MORF4L1: variants seen among roughly 807,000 people sequenced by gnomAD.
The protein encoded by MORF4L1 is mortality factor 4-like protein 1.
A neutral mutation model predicts 52.9 loss-of-function variants in MORF4L1; 4 were observed. The ratio of observed to expected loss-of-function variants is 0.08; its 90% CI spans 0.04 to 0.17. The LOEUF is 0.17. Among genes scored for constraint, MORF4L1 ranks in the 10% least tolerant of loss-of-function variants. The probability of loss-of-function intolerance (pLI) is 1.00; values close to 1 mark genes in which losing one functional copy is unlikely to be tolerated. For missense variants in MORF4L1, 214 were observed against 390.4 expected (o/e 0.55, Z 3.81); for synonymous variants, 123 against 134.8 (o/e 0.91, Z 0.61).
chr15:78,890,029 C>T (rs1163109056), intron 5 of MORF4L1, among the ~76,000 whole-genome samples: 1 of 152,058 alleles, frequency 6.6e-6, no homozygotes, highest in South Asian at 2.1e-4. Flanking sequence ...TTGAGACCAG[C>T]CTGGCCAACA....
chr15:78,880,043 CT>C (rs1425871165), intron 2 of MORF4L1, among the ~76,000 whole-genome samples: 1 of 152,220 alleles, frequency 6.6e-6, no homozygotes, highest in Non-Finnish European at 1.5e-5. Context: ...TTTTGTCTGG[CT>C]GCTTTTAAGA....
chr15:78,880,486 A>G (rs1336365362), intron 2 of MORF4L1, 26 bp from the exon 3 acceptor site: 1 of 1,545,984 alleles, frequency 6.5e-7, no homozygotes, highest in Non-Finnish European at 8.8e-7. Context: ...TTCTAAGTGA[A>G]TTATTATTTT....
chr15:78,887,914 G>T (rs1043640796), intron 5 of MORF4L1, among the ~76,000 whole-genome samples: 1 of 152,192 alleles, frequency 6.6e-6, no homozygotes, highest in African/African-American at 2.4e-5. Context: ...AAGTAGCGGG[G>T]ATTACAGGCG....
chr15:78,878,214 T>C lies in MORF4L1; in HGVS notation c.42T>C (p.Gly14=). The change falls in exon 2 of 12, where the codon GGT becomes GGC. Residue 14 remains glycine, a splice_region_variant and synonymous_variant. Transcript: ENST00000426013. ...TCAGTACTTTTTCTCCCTTTACAGGTGAGCGAGTGCTGTGCTTTCATGGGC... is the reference window on the plus strand; with the variant it reads ...TCAGTACTTTTTCTCCCTTTACAGGCGAGCGAGTGCTGTGCTTTCATGGGC... ...KQDPKPKFQE[G]ERVLCFHGPL... The C allele has an allele frequency of 6.2e-7, 1 of 1,611,848 alleles. No homozygotes were observed. The highest frequency in any genetic ancestry group is 2.2e-5 in the East Asian group (1 of 44,872).
chr15:78,888,602 A>T (rs958982565), intron 5 of MORF4L1, among the ~76,000 whole-genome samples: 8 of 152,082 alleles, frequency 5.3e-5, no homozygotes, highest in African/African-American at 1.7e-4. Context: ...TGATTTTTCT[A>T]CTTAAAAGTA....
chr15:78,885,464 C>T (rs1376876753), intron 3 of MORF4L1, among the ~76,000 whole-genome samples: 3 of 152,204 alleles, frequency 2.0e-5, no homozygotes, highest in African/African-American at 7.2e-5. Context: ...AGCCAGCTTT[C>T]TGATCAGCCT....
rs142582875 is a variant in MORF4L1 at position 78,897,327 on chromosome 15, C to A, written c.*260C>A. The stretch of plus-strand genomic sequence containing the variant: ...GATATGCTGTAGAGTGTTTTATTGC[C>A]TAGTTGACAAAGCTGCTTTTGAATG... On this transcript the variant is annotated 3_prime_UTR_variant, in exon 12 of 12. Transcript: ENST00000426013. 1.2e-4 allele frequency: 36 copies of A among 306,596 alleles called. No individual in the cohort carries two copies. Among genetic ancestry groups the A allele is most frequent in the Non-Finnish European group, 2.5e-5 (4 of 157,022 alleles). 19.0% of individuals were successfully genotyped at this position (306,596 alleles called of 1,614,324 possible).
chr15:78,882,804 G>C (rs1005965405), intron 3 of MORF4L1, among the ~76,000 whole-genome samples: 3 of 110,406 alleles, frequency 2.7e-5, no homozygotes, highest in Admixed American at 1.1e-4. Context: ...GAGCCAGTAT[G>C]GTGGTGCCTA....
intron 2 of MORF4L1, among the ~76,000 whole-genome samples, chr15:78,878,695 A>C (rs367691978): frequency 1.3e-5 from 2 of 152,260 alleles, no homozygotes; most frequent in African/African-American, 2.4e-5. Flanking sequence ...TTTGTCTGGC[A>C]AAGTTTGTAT....
chr15:78,875,779 C>G (rs922254829), intron 1 of MORF4L1, among the ~76,000 whole-genome samples: 1 of 29,658 alleles, frequency 3.4e-5, no homozygotes, highest in African/African-American at 1.0e-4. Flanking sequence ...GAGTGAGACT[C>G]CATTTCAAAA....
chr15:78,873,513 G>A (rs1170650700), intron 1 of MORF4L1, among the ~76,000 whole-genome samples: 2 of 152,128 alleles, frequency 1.3e-5, no homozygotes, highest in Non-Finnish European at 2.9e-5. Flanking sequence ...TGGAGCCCCG[G>A]GGTGGTTGCG....
intron 1 of MORF4L1, chr15:78,876,710 G>C (rs2056499330): frequency 8.4e-6 from 3 of 357,322 alleles, no homozygotes; most frequent in South Asian, 2.1e-5. Context: ...TCTCGTTCCT[G>C]GGCCGTTGGA....
intron 4 of MORF4L1, 77 bp downstream of exon 4, chr15:78,886,304 A>G (rs933621172): frequency 7.1e-6 from 9 of 1,276,420 alleles, no homozygotes; most frequent in South Asian, 1.2e-5. Context: ...AACAATGGAG[A>G]TCATGTTGGC....
chr15:78,895,936 C>G (rs10519217), intron 11 of MORF4L1, among the ~76,000 whole-genome samples: 2 of 151,806 alleles, frequency 1.3e-5, no homozygotes, highest in African/African-American at 4.8e-5. Context: ...GGAATGTGCT[C>G]TACTACTTGA....
Position 78,897,309 on chromosome 15 carries a change from T to C in MORF4L1, c.*242T>C, listed in dbSNP as rs964062572. On this transcript the variant is annotated 3_prime_UTR_variant, in exon 12 of 12. Transcript: ENST00000426013. ...AATGATGGACAACAGAGGGATATGC[T>C]GTAGAGTGTTTTATTGCCTAGTTGA... is the stretch of plus-strand genomic sequence containing the variant. 7 of 349,346 alleles carry C rather than the reference T, an allele frequency of 2.0e-5. No individual in the cohort carries two copies. Among genetic ancestry groups the C allele is most frequent in the Non-Finnish European group, 3.9e-5 (7 of 180,798 alleles). 21.6% of individuals were successfully genotyped at this position (349,346 alleles called of 1,614,324 possible).
intron 3 of MORF4L1, chr15:78,884,820 A>G (rs1474267942): frequency 4.2e-6 from 2 of 471,670 alleles, no homozygotes; most frequent in Non-Finnish European, 7.4e-6. Flanking sequence ...AACATAATAG[A>G]TGATGGAGAT....
At chr15:78,884,809 A>G (rs2056669819) in intron 3 of MORF4L1, among the ~76,000 whole-genome samples, 1 of 152,202 alleles carries the variant, frequency 6.6e-6, no homozygotes, top group African/African-American at 2.4e-5. Context: ...CTTTTTTCAA[A>G]AACATAATAG....
At position 78,894,967 on chromosome 15, in the gene MORF4L1, G is replaced by A. The variant is rs1187488231; in HGVS notation, c.887+63G>A. ...AATTAGCGTGTAATGGGAGGGATTG[G>A]CAGTATAGATGCTAAAACATTAAAC... On this transcript the variant is annotated intron_variant, in intron 11 of 11. Coordinates refer to ENST00000426013, the MANE Select transcript of MORF4L1 (RefSeq NM_006791.4). 1.2e-5 allele frequency: 15 copies of A among 1,303,678 alleles called. No homozygotes were observed. The East Asian group carries it at 3.2e-4, about 28-fold the overall frequency. The allele number at this position is 1,303,678 out of a possible 1,614,324, so 80.8% of individuals were successfully genotyped here.
intron 2 of MORF4L1, among the ~76,000 whole-genome samples, chr15:78,879,332 C>T (rs2141460194): frequency 6.6e-6 from 1 of 152,298 alleles, no homozygotes; most frequent in East Asian, 1.9e-4. Context: ...AGCAATTCTC[C>T]TGCCTCAGCC....
Sources: allele counts gnomAD v4.1 joint callset (sites outside exome capture counted in the v4.1 genomes callset), GRCh38; gene constraint gnomAD v4.1.1; transcripts MANE v1.5; gene names NCBI Gene and HGNC (gene_info 2026-07-23, HGNC 2026-07-21).